Variants in LAMA2 observed in about 807,000 individuals in gnomAD.
LAMA2 encodes laminin subunit alpha 2.
Under a neutral mutation model 364.8 loss-of-function variants are expected in LAMA2, and 269 were observed. The observed-to-expected ratio is 0.74, with a 90% confidence interval of 0.67 to 0.82. The LOEUF (loss-of-function observed/expected upper bound fraction) is 0.82, where lower values mean the gene tolerates loss of function less well. LAMA2 is among the 40% of genes least tolerant of loss of function. The probability of loss-of-function intolerance (pLI) is 0.00; values close to 1 mark genes in which losing one functional copy is unlikely to be tolerated. For synonymous variants in LAMA2, 1,379 were observed against 1,370.6 expected, an observed-to-expected ratio of 1.01 and a Z score of -0.14; for missense variants, 3,807 against 3,873.2, an observed-to-expected ratio of 0.98 and a Z score of 0.45.
intron 47 of LAMA2, among the ~76,000 whole-genome samples, chr6:129,454,696 A>G (rs971410939): frequency 1.3e-5 from 2 of 152,212 alleles, no homozygotes; most frequent in Non-Finnish European, 2.9e-5. Context: ...AGAAAAATGC[A>G]GTTTCAAAAC....
chr6:129,183,523 C>A (rs9492260), intron 10 of LAMA2, among the ~76,000 whole-genome samples: 2,927 of 152,026 alleles, frequency 0.019, 114 homozygotes, highest in African/African-American at 0.066. Flanking sequence ...CTTACCTCTC[C>A]AGAATGTTCT....
At chr6:129,054,579 T>C (rs1025549676) in intron 2 of LAMA2, among the ~76,000 whole-genome samples, 1 of 151,784 alleles carries the variant, frequency 6.6e-6, no homozygotes, top group Non-Finnish European at 1.5e-5. Context: ...AGATAAAATA[T>C]GTAAAACCAT....
chr6:129,078,187 T>C (rs544714674), intron 3 of LAMA2, among the ~76,000 whole-genome samples: 1 of 151,844 alleles, frequency 6.6e-6, no homozygotes, highest in South Asian at 2.1e-4. Flanking sequence ...CAGACTGGAG[T>C]GCAGTGGCAC....
At position 129,205,491 on chromosome 6, in the gene LAMA2, TATACACACACACACACAC is replaced by T. The variant is rs1280322398; in HGVS notation, c.1782+12640_1782+12657del. ...TTTATTCTGTAAGTATATATATATA[TATACACACACACACACAC>T]ACACACACACACACACACACACACG... On this transcript the variant is annotated intron_variant, in intron 12 of 64. Transcript: ENST00000421865. Among the ~76,000 whole-genome samples the T allele has an allele frequency of 7.3e-5, 9 of 123,090 alleles. 1 individual carries two copies. The highest frequency in any genetic ancestry group is 2.7e-4 in the African/African-American group (8 of 30,164). The allele number at this position is 123,090 out of a possible 152,430, so 80.8% of individuals were successfully genotyped here.
rs952282284 is a variant in LAMA2, at chr6:129,350,262, G to A, written c.4523+878G>A. Among the ~76,000 whole-genome samples, 4 of 152,296 alleles carry A rather than the reference G, an allele frequency of 2.6e-5. No homozygotes were observed. The South Asian group carries it at 6.2e-4, about 24-fold the overall frequency. On this transcript the variant is annotated intron_variant, in intron 31 of 64. Transcript: ENST00000421865. ...TATAAAAGTTTTAGAAAGATCCATA[G>A]ACTTCGCTCAATTCCAACAGTTCAG...
At chr6:129,513,685 A>C (rs774963125) in intron 63 of LAMA2, among the ~76,000 whole-genome samples, 10 of 152,180 alleles carry the variant, frequency 6.6e-5, no homozygotes, top group Admixed American at 6.5e-5. Context: ...CTTCAAAAGA[A>C]TTCTGTCATC....
At chr6:129,172,666 G>A (rs1780270773) in intron 9 of LAMA2, among the ~76,000 whole-genome samples, 1 of 152,230 alleles carries the variant, frequency 6.6e-6, no homozygotes, top group African/African-American at 2.4e-5. Context: ...GCCTACAGAG[G>A]CAGGCAGGCC....
At chr6:129,102,533 C>G (rs1037640192) in intron 4 of LAMA2, among the ~76,000 whole-genome samples, 2 of 151,908 alleles carry the variant, frequency 1.3e-5, no homozygotes, top group African/African-American at 4.8e-5. Flanking sequence ...CTAAAATTTT[C>G]AATATTCTAT....
At chr6:129,235,136 A>G (rs978576495) in intron 12 of LAMA2, among the ~76,000 whole-genome samples, 2 of 152,162 alleles carry the variant, frequency 1.3e-5, no homozygotes, top group Non-Finnish European at 1.5e-5. Context: ...CATGTGAAAG[A>G]CAAGCAGGAA....
intron 40 of LAMA2, among the ~76,000 whole-genome samples, chr6:129,426,199 C>CT (rs1781316395): frequency 6.6e-6 from 1 of 152,124 alleles, no homozygotes; most frequent in Admixed American, 6.6e-5. Context: ...CCTCTCTCCA[C>CT]TTTTTAGAGT....
intron 32 of LAMA2, among the ~76,000 whole-genome samples, chr6:129,359,544 T>C (rs1398680136): frequency 7.0e-6 from 1 of 142,336 alleles, no homozygotes; most frequent in Admixed American, 7.5e-5. Flanking sequence ...AATGTAAAAG[T>C]TTCTTTTTGA....
At chr6:129,404,096 C>G in intron 40 of LAMA2, 137 bp downstream of exon 40, 1 of 939,852 alleles carries the variant, frequency 1.1e-6, no homozygotes. Flanking sequence ...TTAAAATTTG[C>G]CTAAAATAAA....
chr6:129,160,844 T>C (rs1387561527), intron 8 of LAMA2, among the ~76,000 whole-genome samples: 4 of 151,940 alleles, frequency 2.6e-5, no homozygotes, highest in Non-Finnish European at 5.9e-5. Flanking sequence ...CTTTATTAAA[T>C]ATTATATTTT....
At chr6:129,198,377 AT>A (rs1781973596) in intron 12 of LAMA2, among the ~76,000 whole-genome samples, 1 of 152,214 alleles carries the variant, frequency 6.6e-6, no homozygotes, top group Non-Finnish European at 1.5e-5. Flanking sequence ...TACAATCCAG[AT>A]GTGTCTATAG....
intron 12 of LAMA2, among the ~76,000 whole-genome samples, chr6:129,238,134 TTGCACTCCAG>T (rs1380234010): frequency 6.6e-6 from 1 of 151,138 alleles, no homozygotes; most frequent in African/African-American, 2.4e-5. Flanking sequence ...GATAGTGCCA[TTGCACTCCAG>T]ACTGGGCAAC....
chr6:128,899,973 G>A (rs1776985757), intron 1 of LAMA2, among the ~76,000 whole-genome samples: 1 of 152,122 alleles, frequency 6.6e-6, no homozygotes, highest in Non-Finnish European at 1.5e-5. Flanking sequence ...CTCACATGGG[G>A]TGATTTGATT....
At chr6:129,191,177 A>C (rs574443198) in intron 11 of LAMA2, among the ~76,000 whole-genome samples, 1 of 152,330 alleles carries the variant, frequency 6.6e-6, no homozygotes, top group African/African-American at 2.4e-5. Context: ...AGTGTCATTG[A>C]AGAAATTTAA....
intron 35 of LAMA2, among the ~76,000 whole-genome samples, chr6:129,383,811 A>G (rs1375086825): frequency 6.6e-6 from 1 of 152,206 alleles, no homozygotes; most frequent in East Asian, 1.9e-4. Context: ...TAAGAAACTT[A>G]AAGAATACAG....
At chr6:128,975,379 C>T (rs1319284835) in intron 1 of LAMA2, among the ~76,000 whole-genome samples, 1 of 151,870 alleles carries the variant, frequency 6.6e-6, no homozygotes, top group Admixed American at 6.6e-5. Context: ...GGTGGATGGA[C>T]CATGATATTC....
Sources: allele counts gnomAD v4.1 joint callset (sites outside exome capture counted in the v4.1 genomes callset), GRCh38; gene constraint gnomAD v4.1.1; transcripts MANE v1.5; gene names NCBI Gene and HGNC (gene_info 2026-07-23, HGNC 2026-07-21).